Variants in FUT8 observed in about 807,000 individuals in gnomAD.
FUT8 encodes the protein fucosyltransferase 8, also known as alpha-(1,6)-fucosyltransferase.
FUT8 carries 29 observed loss-of-function variants against 71.3 expected under a neutral mutation model. The observed-to-expected ratio is 0.41, with a 90% CI of 0.30 to 0.55. The LOEUF is 0.55. Among genes scored for constraint, FUT8 ranks in the 20% least tolerant of loss-of-function variants. FUT8 has a pLI of 0.34. For missense variants in FUT8, 544 were observed against 702.1 expected, an observed-to-expected ratio of 0.77 and a Z score of 2.55; for synonymous variants, 254 against 239.3, an observed-to-expected ratio of 1.06 and a Z score of -0.57.
In FUT8 at chr14:65,669,699, A is replaced by C. The variant is rs114610002; in HGVS notation, c.835+219A>C. On this transcript the variant is annotated intron_variant, in intron 7 of 10. Coordinates refer to ENST00000673929, the MANE Select transcript of FUT8 (RefSeq NM_001371533.1). The surrounding 1 kb of genome is among the most constrained non-coding windows in gnomAD (Gnocchi z 4.5). Reference sequence around the variant, plus strand: ...ATGCTCATTTTTATGTGAATTTAGCAAAATCACTGAGTTTTTTTCAGGGAG... The same window carrying C: ...ATGCTCATTTTTATGTGAATTTAGCCAAATCACTGAGTTTTTTTCAGGGAG... Among the ~76,000 whole-genome samples the C allele has an allele frequency of 8.4e-3, 1,287 of 152,320 alleles. 19 individuals carry two copies. The highest frequency in any genetic ancestry group is 0.03 in the African/African-American group (1,233 of 41,578).
At chr14:65,366,439 G>C in the FUT8 span, among the ~76,000 whole-genome samples, 1 of 152,162 alleles carries the variant, frequency 6.6e-6, no homozygotes. Flanking sequence ...CTTCTGTGGG[G>C]TTTGTTTGCT....
intron 1 of FUT8, 36 bp from the exon 2 acceptor site, chr14:65,455,585 T>G (rs1594648546): frequency 2.5e-6 from 1 of 398,022 alleles, no homozygotes; most frequent in East Asian, 3.6e-5. Context: ...GAAGCTTGAG[T>G]AGGGCTGAAT....
intron 6 of FUT8, among the ~76,000 whole-genome samples, chr14:65,630,213 A>G (rs988421125): frequency 4.6e-5 from 7 of 152,206 alleles, no homozygotes; most frequent in Non-Finnish European, 1.0e-4. Flanking sequence ...GGTTTATGGT[A>G]CATAGGCAGT....
chr14:65,725,103 A>G (rs553416224), intron 9 of FUT8, among the ~76,000 whole-genome samples: 4 of 152,226 alleles, frequency 2.6e-5, no homozygotes, highest in African/African-American at 4.8e-5. Flanking sequence ...ACATATGTAG[A>G]GTTTTGTCTT....
chr14:65,379,699 G>A, the FUT8 span, among the ~76,000 whole-genome samples: 2 of 152,218 alleles, frequency 1.3e-5, no homozygotes, highest in African/African-American at 4.8e-5. Flanking sequence ...TTGTAAGTGA[G>A]TGTCTTACTC....
intron 7 of FUT8, among the ~76,000 whole-genome samples, chr14:65,697,076 T>A (rs1429854549): frequency 6.6e-6 from 1 of 152,222 alleles, no homozygotes; most frequent in Admixed American, 6.5e-5. Flanking sequence ...CTTCAGACTA[T>A]ATTTTTTGCC....
chr14:65,486,891 C>T (rs1289565822), intron 2 of FUT8, among the ~76,000 whole-genome samples: 1 of 152,118 alleles, frequency 6.6e-6, no homozygotes, highest in East Asian at 1.9e-4. Context: ...CCAGAGAAAG[C>T]TTTACTTTTC....
intron 3 of FUT8, among the ~76,000 whole-genome samples, chr14:65,576,081 A>G (rs1362929308): frequency 6.6e-6 from 1 of 152,184 alleles, no homozygotes; most frequent in Non-Finnish European, 1.5e-5. Context: ...TCCTTATAAT[A>G]GCTCACTTGC....
chr14:65,699,145 TACACAC>T (rs60092488), intron 7 of FUT8, among the ~76,000 whole-genome samples: 12,112 of 131,958 alleles, frequency 0.092, 594 homozygotes, highest in Middle Eastern at 0.1. Context: ...CCCTCCCTTC[TACACAC>T]ACACACACAC....
intron 2 of FUT8, among the ~76,000 whole-genome samples, chr14:65,492,828 A>G (rs2066501857): frequency 6.6e-6 from 1 of 152,126 alleles, no homozygotes. Context: ...AGAGTTACCC[A>G]CCTGAATCTG....
intron 3 of FUT8, among the ~76,000 whole-genome samples, chr14:65,577,764 TAGGTGATC>T (rs1392416854): frequency 6.6e-6 from 1 of 152,108 alleles, no homozygotes; most frequent in Non-Finnish European, 1.5e-5. Flanking sequence ...TAGATTGGGG[TAGGTGATC>T]ACATTCAATA....
chr14:65,366,012 A>T, the FUT8 span, among the ~76,000 whole-genome samples: 1 of 151,964 alleles, frequency 6.6e-6, no homozygotes, highest in Non-Finnish European at 1.5e-5. Context: ...TAGTTTTTGT[A>T]TTTTTTAAAA....
At chr14:65,617,285 C>A in intron 5 of FUT8, 1 of 1,314,580 alleles carries the variant, frequency 7.6e-7, no homozygotes, top group Non-Finnish European at 1.0e-6. Flanking sequence ...AAATAAAAAT[C>A]TGTCTATTGG....
chr14:65,677,658 G>A (rs1892826545), intron 7 of FUT8, among the ~76,000 whole-genome samples: 1 of 152,062 alleles, frequency 6.6e-6, no homozygotes, highest in African/African-American at 2.4e-5. Context: ...TATTTATAAT[G>A]TTTTTAATTA....
intron 6 of FUT8, among the ~76,000 whole-genome samples, chr14:65,639,959 A>C (rs151289061): frequency 4.1e-4 from 62 of 152,192 alleles, no homozygotes; most frequent in African/African-American, 1.4e-3. Flanking sequence ...GTTGTTGATC[A>C]AGTTTCCCCA....
Position 65,643,609 on chromosome 14 carries a change from A to G in FUT8, c.597+14003A>G, listed in dbSNP as rs1202540848. Among the ~76,000 whole-genome samples the G allele has an allele frequency of 7.3e-5, 11 of 150,196 alleles. No homozygotes were observed. Among genetic ancestry groups the G allele is most frequent in the African/African-American group, 2.2e-4 (9 of 40,832 alleles). On this transcript the variant is annotated intron_variant, in intron 6 of 10. Coordinates refer to ENST00000673929, the MANE Select transcript of FUT8 (RefSeq NM_001371533.1). The surrounding 1 kb of genome is among the most constrained non-coding windows in gnomAD (Gnocchi z 4.5). ...GCGGAGCTTGCAGTGAGCAGAGATC[A>G]TGCCACTGCACTGCAGCCTGGGCGA...
At chr14:65,656,960 A>T (rs955474748) in intron 6 of FUT8, among the ~76,000 whole-genome samples, 1 of 152,168 alleles carries the variant, frequency 6.6e-6, no homozygotes, top group African/African-American at 2.4e-5. Context: ...ATGCTCAGGA[A>T]TTATATTAGA....
the FUT8 span, among the ~76,000 whole-genome samples, chr14:65,368,736 TG>T: frequency 2.6e-5 from 4 of 151,628 alleles, no homozygotes; most frequent in East Asian, 7.9e-4. Context: ...TTAGCCAGGA[TG>T]GTCTCGATCT....
intron 7 of FUT8, among the ~76,000 whole-genome samples, chr14:65,677,148 GTGTGCGCGCGCGCA>G (rs1459628630): frequency 1.4e-4 from 16 of 114,212 alleles, no homozygotes; most frequent in Admixed American, 9.3e-5. Flanking sequence ...GTGTGTGTGT[GTGTGCGCGCGCGCA>G]TGCGCGCGCA....
Sources: gnomAD v4.1 joint callset for allele counts (sites outside exome capture counted in the v4.1 genomes callset) on GRCh38, gnomAD v4.1.1 for gene constraint, Gnocchi (gnomAD v3.1) non-coding constraint, MANE v1.5 for transcripts, NCBI Gene and HGNC (gene_info 2026-07-23, HGNC 2026-07-21) for gene names.